GRID1: variants seen among roughly 807,000 people sequenced by gnomAD.
GRID1 encodes glutamate receptor ionotropic, delta-1.
Under a neutral mutation model 98.0 loss-of-function variants are expected in GRID1, and 28 were observed. The observed-to-expected ratio is 0.29, with a 90% confidence interval of 0.21 to 0.39. The LOEUF is 0.39. GRID1 is among the 10% of genes least tolerant of loss of function. GRID1 has a pLI of 1.00. For synonymous variants in GRID1, 553 were observed against 538.5 expected (o/e 1.03, Z -0.37); for missense variants, 1,111 against 1,340.5 (o/e 0.83, Z 2.67).
At chr10:85,616,096 C>T (rs545178937) in intron 14 of GRID1, among the ~76,000 whole-genome samples, 22 of 152,278 alleles carry the variant, frequency 1.4e-4, no homozygotes, top group African/African-American at 5.1e-4. Context: ...ATCAGAGCTC[C>T]ATAAAAGCTG....
intron 11 of GRID1, among the ~76,000 whole-genome samples, chr10:85,723,740 G>A: frequency 6.6e-6 from 1 of 152,248 alleles, no homozygotes; most frequent in Middle Eastern, 3.4e-3. Flanking sequence ...TTTCTCCTTG[G>A]TCTCTAAAGT....
intron 2 of GRID1, among the ~76,000 whole-genome samples, chr10:86,220,047 C>T (rs1846230946): frequency 6.6e-6 from 1 of 152,222 alleles, no homozygotes; most frequent in Admixed American, 6.5e-5. Flanking sequence ...AGTCATGGCA[C>T]CTGCACCACA....
At chr10:86,292,683 A>G (rs1403956730) in intron 2 of GRID1, among the ~76,000 whole-genome samples, 1 of 151,910 alleles carries the variant, frequency 6.6e-6, no homozygotes, top group East Asian at 1.9e-4. Flanking sequence ...CTGTGTGTGC[A>G]AGTGTGGGTG....
In GRID1 at chr10:86,364,068, C is replaced by T. The variant is rs1312293041; in HGVS notation, c.108G>A (p.Lys36=). ...CCGCCAACTGGAACACCCTGTCGTCCTTGGCCGCGTTCTCCTCGAAGATGG... is the reference window on the plus strand; with the variant it reads ...CCGCCAACTGGAACACCCTGTCGTCTTTGGCCGCGTTCTCCTCGAAGATGG... ...IGAIFEENAA[K]DDRVFQLAVS... Residue 36 remains lysine (K), a synonymous_variant, in exon 2 of 16, where the codon AAG becomes AAA. Transcript: ENST00000327946. 2 of 1,614,024 alleles carry T rather than the reference C, an allele frequency of 1.2e-6. No individual in the cohort carries two copies.
intron 3 of GRID1, among the ~76,000 whole-genome samples, chr10:86,144,584 C>T (rs965426146): frequency 3.3e-5 from 5 of 152,172 alleles, no homozygotes; most frequent in Non-Finnish European, 5.9e-5. Flanking sequence ...CTCTAAAGCT[C>T]CTGCCAGTCA....
intron 4 of GRID1, among the ~76,000 whole-genome samples, chr10:85,956,600 C>T (rs1842197247): frequency 6.6e-6 from 1 of 152,204 alleles, no homozygotes; most frequent in African/African-American, 2.4e-5. Context: ...GGTCTGATTA[C>T]TCTAAGCTAC....
intron 4 of GRID1, among the ~76,000 whole-genome samples, chr10:86,005,317 A>G (rs1479326274): frequency 6.6e-6 from 1 of 151,822 alleles, no homozygotes; most frequent in East Asian, 1.9e-4. Context: ...CCCAATAGCC[A>G]GCTCCATTCA....
chr10:85,816,110 G>C (rs1246653658), intron 8 of GRID1, among the ~76,000 whole-genome samples: 1 of 152,036 alleles, frequency 6.6e-6, no homozygotes, highest in Non-Finnish European at 1.5e-5. Flanking sequence ...TTGATAAAAA[G>C]TTTGGCAGTT....
At chr10:85,659,882 T>C (rs1840945880) in intron 12 of GRID1, among the ~76,000 whole-genome samples, 1 of 152,130 alleles carries the variant, frequency 6.6e-6, no homozygotes, top group Non-Finnish European at 1.5e-5. Flanking sequence ...AATTATGAAG[T>C]TTTTGAAGCT....
chr10:85,702,723 G>T (rs942891712), intron 12 of GRID1, among the ~76,000 whole-genome samples: 3 of 150,990 alleles, frequency 2.0e-5, no homozygotes, highest in Non-Finnish European at 3.0e-5. Context: ...AAAAGGAAAA[G>T]GAGAACAAAA....
At chr10:85,732,605 C>G (rs938912451) in intron 8 of GRID1, among the ~76,000 whole-genome samples, 14 of 152,120 alleles carry the variant, frequency 9.2e-5, no homozygotes, top group African/African-American at 3.4e-4. Flanking sequence ...CAGGATGCAC[C>G]ACCTCAGTCC....
chr10:86,095,738 C>G (rs1244473962), intron 4 of GRID1, among the ~76,000 whole-genome samples: 1 of 152,092 alleles, frequency 6.6e-6, no homozygotes, highest in Non-Finnish European at 1.5e-5. Context: ...ATGTGGTGAA[C>G]AGGGAACACT....
chr10:85,890,427 G>A (rs1841183675), intron 5 of GRID1, among the ~76,000 whole-genome samples: 1 of 151,902 alleles, frequency 6.6e-6, no homozygotes, highest in African/African-American at 2.4e-5. Context: ...TACAATTATT[G>A]TGTCAATTTA....
chr10:85,945,367 C>A (rs992140774), intron 4 of GRID1, among the ~76,000 whole-genome samples: 5 of 151,924 alleles, frequency 3.3e-5, no homozygotes, highest in African/African-American at 1.2e-4. Context: ...TTTTTTAAAT[C>A]TTGGTTTAAC....
Position 85,634,294 on chromosome 10 carries a change from C to CTT in GRID1, c.2193+12907_2193+12908insAA, listed in dbSNP as rs1564684024. On this transcript the variant is annotated intron_variant, in intron 13 of 15. Coordinates refer to ENST00000327946, the MANE Select transcript of GRID1 (RefSeq NM_017551.3). The stretch of plus-strand genomic sequence containing the variant: ...TCTCTCTCTCTCTCTCTCTCTCTCA[C>CTT]ACACACACACACACACACACAGACT... Among the ~76,000 whole-genome samples, 95 of 116,860 alleles carry CTT rather than the reference C, an allele frequency of 8.1e-4. 2 individuals are homozygous for CTT. Among genetic ancestry groups the CTT allele is most frequent in the African/African-American group, 3.1e-3 (84 of 27,032 alleles). The allele number at this position is 116,860 out of a possible 152,430, so 76.7% of individuals were successfully genotyped here. A position where few individuals can be genotyped will look rare whatever the true frequency, so the allele number is the denominator to read the frequency against.
chr10:86,312,689 G>A (rs892183237), intron 2 of GRID1, among the ~76,000 whole-genome samples: 3 of 152,234 alleles, frequency 2.0e-5, no homozygotes, highest in Non-Finnish European at 4.4e-5. Flanking sequence ...AAGGTGACTT[G>A]GGAGACTGAG....
intron 8 of GRID1, among the ~76,000 whole-genome samples, chr10:85,812,784 T>G (rs1842684022): frequency 6.6e-6 from 1 of 151,616 alleles, no homozygotes; most frequent in Non-Finnish European, 1.5e-5. Flanking sequence ...TCACTACATA[T>G]TTGTGTGTGT....
At chr10:86,226,417 C>T (rs1213408978) in intron 2 of GRID1, among the ~76,000 whole-genome samples, 1 of 61,678 alleles carries the variant, frequency 1.6e-5, no homozygotes, top group Admixed American at 1.5e-4. Context: ...CCCAGCACAC[C>T]CTCCCACCCC....
intron 15 of GRID1, chr10:85,605,512 CA>C (rs1192574675): frequency 6.6e-6 from 1 of 152,206 alleles, no homozygotes; most frequent in African/African-American, 2.4e-5. Flanking sequence ...AGTAATTAAT[CA>C]GTTGCATAAT....
Sources: allele counts gnomAD v4.1 joint callset (sites outside exome capture counted in the v4.1 genomes callset), GRCh38; gene constraint gnomAD v4.1.1; transcripts MANE v1.5; gene names NCBI Gene and HGNC (gene_info 2026-07-23, HGNC 2026-07-21).